WNK4: variants seen among roughly 807,000 people sequenced by gnomAD.
WNK4 encodes the protein WNK lysine deficient protein kinase 4, also known as serine/threonine-protein kinase WNK4.
Under a neutral mutation model 116.2 loss-of-function variants are expected in WNK4, and 94 were observed. The observed-to-expected ratio is 0.81, with a 90% CI of 0.68 to 0.96. WNK4 has a LOEUF of 0.96. Among genes scored for constraint, WNK4 ranks in the 40% least tolerant of loss-of-function variants. The probability of loss-of-function intolerance (pLI) is 0.00; values close to 1 mark genes in which losing one functional copy is unlikely to be tolerated. For synonymous variants in WNK4, 655 were observed against 672.7 expected (o/e 0.97, Z 0.41); for missense variants, 1,542 against 1,650.6 (o/e 0.93, Z 1.14).
At position 42,795,167 on chromosome 17, in the gene WNK4, C is replaced by T. The variant is rs550427893; in HGVS notation, c.2746C>T (p.Pro916Ser). ...FPPCPSTSSF[P>S]STTAAPLLSL... ...TCCGTGCCCCTCCACTTCTTCCTTC[C>T]CCTCCACCACAGCAGCCCCTCTCCT... is the stretch of plus-strand genomic sequence containing the variant. The change falls in exon 14 of 19, where the codon CCC becomes TCC. Residue 916 changes from proline to serine, a missense_variant. This residue lies in a region of WNK4 where 292 missense variants were observed against 290.1 expected (regional missense o/e 1.01). Transcript: ENST00000246914. 69 of 1,614,058 alleles carry T rather than the reference C, an allele frequency of 4.3e-5. 1 individual carries two copies. The South Asian group carries it at 7.0e-4, about 16-fold the overall frequency.
Position 42,795,155 on chromosome 17 carries a change from A to C in WNK4, c.2734A>C (p.Thr912Pro), listed in dbSNP as rs2054650924. ...CCCTTTCTTTCCTCCGTGCCCCTCC[A>C]CTTCTTCCTTCCCCTCCACCACAGC... Reference protein sequence around the residue: ...SSPFFPPCPSTSSFPSTTAAP... With the variant: ...SSPFFPPCPSPSSFPSTTAAP... Residue 912 changes from threonine to proline, a missense_variant, in exon 14 of 19, where the codon ACT (threonine) becomes CCT (proline). Thr to Pro is a conservative substitution (Grantham distance 38). Coordinates refer to ENST00000246914, the MANE Select transcript of WNK4 (RefSeq NM_032387.5). The C allele has an allele frequency of 6.2e-7, 1 of 1,611,464 alleles. No individual in the cohort carries two copies. Among genetic ancestry groups the C allele is most frequent in the Non-Finnish European group, 8.5e-7 (1 of 1,179,330 alleles).
Position 42,795,692 on chromosome 17 carries a change from C to T in WNK4, c.3090C>T (p.Pro1030=). Residue 1030 remains proline, a synonymous_variant, in exon 16 of 19, where the codon CCC becomes CCT. Coordinates refer to ENST00000246914, the MANE Select transcript of WNK4 (RefSeq NM_032387.5). ...TSSKEPAEPL[P]LQPTSPTLSG... ...CCAAGGAACCGGCTGAGCCTCTTCC[C>T]TTGCAGCCAACATCCCCCACTCTCT... is the stretch of plus-strand genomic sequence containing the variant. The T allele has an allele frequency of 6.2e-7, 1 of 1,613,302 alleles. No homozygotes were observed. The highest frequency in any genetic ancestry group is 8.5e-7 in the Non-Finnish European group (1 of 1,180,034).
chr17:42,788,787 C>A lies in WNK4; in HGVS notation c.2147C>A (p.Ala716Glu), dbSNP rs1218336737. The A allele has an allele frequency of 1.9e-6, 3 of 1,613,658 alleles. No homozygotes were observed. Among genetic ancestry groups the A allele is most frequent in the South Asian group, 1.1e-5 (1 of 91,076 alleles). Residue 716 changes from alanine (A) to glutamate (E), a missense_variant, in exon 11 of 19, where the codon GCA becomes GAA. Ala to Glu is a moderately radical substitution (Grantham distance 107). Transcript: ENST00000246914. ...GATGGGGACAGCCCGGAAGAGATTG[C>A]AGCTGCCATGGTGAGGGGGAGAGAG... ...DLDGDSPEEI[A>E]AAMVYNEFIL... is the part of the protein sequence containing the mutation.
chr17:42,789,392 C>T (rs2054585579), intron 11 of WNK4, among the ~76,000 whole-genome samples: 1 of 152,230 alleles, frequency 6.6e-6, no homozygotes, highest in East Asian at 1.9e-4. Flanking sequence ...CGTGGTGGCT[C>T]ACACCTGTAA....
In WNK4 at chr17:42,784,720, T is replaced by C. The variant is rs1568027663; in HGVS notation, c.1170+141T>C. 3 of 1,061,392 alleles carry C rather than the reference T, an allele frequency of 2.8e-6. No individual in the cohort carries two copies. The highest frequency in any genetic ancestry group is 3.1e-5 in the African/African-American group (2 of 63,620). 65.7% of individuals were successfully genotyped at this position (1,061,392 alleles called of 1,614,324 possible). ...TCGCCTTGGTGAACACAGAAGGATA[T>C]TGAGTGCACACGCGCCCCCACCAGT... On this transcript the variant is annotated intron_variant, in intron 4 of 18. Transcript: ENST00000246914. This position sits in a 1 kb window ranked among gnomAD's most constrained non-coding sequence, Gnocchi z 4.4.
intron 12 of WNK4, 127 bp downstream of exon 12, chr17:42,793,856 CTTTTT>C: frequency 1.1e-6 from 1 of 945,926 alleles, no homozygotes; most frequent in South Asian, 1.5e-5. Context: ...AACAGTGGCG[CTTTTT>C]TTTTTTTTTG....
At chr17:42,790,940 C>T (rs902437084) in intron 11 of WNK4, among the ~76,000 whole-genome samples, 1 of 152,206 alleles carries the variant, frequency 6.6e-6, no homozygotes. Context: ...ACACAAGGCT[C>T]ATCACCTTCC....
At chr17:42,794,222 T>C (rs2054637239) in intron 12 of WNK4, 1 of 320,562 alleles carries the variant, frequency 3.1e-6, no homozygotes. Flanking sequence ...AGAAAACTTG[T>C]TCAATACATA....
At chr17:42,790,993 C>T (rs1482793811) in intron 11 of WNK4, among the ~76,000 whole-genome samples, 1 of 152,182 alleles carries the variant, frequency 6.6e-6, no homozygotes, top group Non-Finnish European at 1.5e-5. Context: ...TCCAGCCACA[C>T]TGGTTTCAAA....
In WNK4 at chr17:42,782,870, T is replaced by A; in HGVS notation, c.731T>A (p.Leu244Gln). 1 of 1,614,218 alleles carries A rather than the reference T, an allele frequency of 6.2e-7. No individual in the cohort carries two copies. Among genetic ancestry groups the A allele is most frequent in the Non-Finnish European group, 8.5e-7 (1 of 1,180,036 alleles). Residue 244 changes from leucine (L) to glutamine (Q), a missense_variant, in exon 2 of 19, where the codon CTG becomes CAG. By Grantham distance (113) the Leu-to-Gln change is moderately radical. Transcript: ENST00000246914. This position sits in a 1 kb window ranked among gnomAD's most constrained non-coding sequence, Gnocchi z 4.2. ...VRFYDSWKSV[L>Q]RGQVCIVLVT... ...TTCTATGATTCGTGGAAGTCGGTGCTGAGGGGCCAGGTTTGCATCGTGCTG... is the reference window on the plus strand; with the variant it reads ...TTCTATGATTCGTGGAAGTCGGTGCAGAGGGGCCAGGTTTGCATCGTGCTG...
rs1285161577 is a variant in WNK4, at chr17:42,795,207, C to G, written c.2786C>G (p.Ala929Gly). 1.2e-6 allele frequency: 2 copies of G among 1,613,926 alleles called. No homozygotes were observed. Among genetic ancestry groups the G allele is most frequent in the African/African-American group, 1.3e-5 (1 of 74,874 alleles). ...TAAPLLSLASAFSLAVMTVAQ... is the reference protein window; with the variant it reads ...TAAPLLSLASGFSLAVMTVAQ... ...GCCCCTCTCCTTTCTCTGGCTAGTG[C>G]CTTCTCACTGGCTGTGATGACTGTG... Residue 929 changes from alanine (A) to glycine (G), a missense_variant, in exon 14 of 19, where the codon GCC becomes GGC. Coordinates refer to ENST00000246914, the MANE Select transcript of WNK4 (RefSeq NM_032387.5).
chr17:42,785,985 C>T (rs1399643832), intron 6 of WNK4, among the ~76,000 whole-genome samples: 1 of 152,208 alleles, frequency 6.6e-6, no homozygotes, highest in East Asian at 1.9e-4. Context: ...AGGGCAGAGA[C>T]TGTGTTTTAT....
At position 42,784,281 on chromosome 17, in the gene WNK4, G is replaced by A; in HGVS notation, c.1012+124G>A. The A allele has an allele frequency of 6.5e-7, 1 of 1,543,666 alleles. No individual in the cohort carries two copies. Among genetic ancestry groups the A allele is most frequent in the African/African-American group, 1.4e-5 (1 of 73,298 alleles). The stretch of plus-strand genomic sequence containing the variant: ...AAAACTACCAGACGACAGGGAAGCT[G>A]AGGAGACCTATGGCACCCACCTCAA... On this transcript the variant is annotated intron_variant, in intron 3 of 18. Transcript: ENST00000246914. The surrounding 1 kb of genome is among the most constrained non-coding windows in gnomAD (Gnocchi z 4.4).
intron 13 of WNK4, 40 bp from the exon 14 acceptor site, chr17:42,794,732 G>T: frequency 6.2e-7 from 1 of 1,613,850 alleles, no homozygotes; most frequent in Non-Finnish European, 8.5e-7. Flanking sequence ...AAGGGCATAG[G>T]GCATGTGGGA....
At position 42,781,232 on chromosome 17, in the gene WNK4, C is replaced by T; in HGVS notation, c.534C>T (p.Ile178=). The T allele has an allele frequency of 6.2e-7, 1 of 1,614,188 alleles. No individual in the cohort carries two copies. Among genetic ancestry groups the T allele is most frequent in the Non-Finnish European group, 8.5e-7 (1 of 1,180,034 alleles). ...ATGGCCGATACCTCAAGTTTGACAT[C>T]GAGATTGGACGTGGCTCCTTCAAGA... is the stretch of plus-strand genomic sequence containing the variant. ...SPDGRYLKFD[I]EIGRGSFKTV... is the part of the protein sequence containing the mutation. The change falls in exon 1 of 19, where the codon ATC becomes ATT. Residue 178 remains isoleucine, a synonymous_variant. Coordinates refer to ENST00000246914, the MANE Select transcript of WNK4 (RefSeq NM_032387.5).
rs1424567014 is a variant in WNK4 at position 42,791,581 on chromosome 17, G to A, written c.2158-2011G>A. Among the ~76,000 whole-genome samples the A allele has an allele frequency of 2.6e-5, 4 of 151,948 alleles. No homozygotes were observed. In the East Asian group the frequency reaches 7.8e-4, roughly 29 times the overall value. On this transcript the variant is annotated intron_variant, in intron 11 of 18. Transcript: ENST00000246914. ...TTGAACCCAGGAGGTGGAGGTTGCG[G>A]TGAGCCACGGTCATACCATTGCACT...
chr17:42,787,212 G>A (rs2054558340), intron 6 of WNK4, 66 bp from the exon 7 acceptor site: 1 of 1,604,452 alleles, frequency 6.2e-7, no homozygotes, highest in Non-Finnish European at 8.5e-7. Context: ...TTCCCAAGAA[G>A]GCGTCCTGAT....
chr17:42,787,834 C>CCTG lies in WNK4; in HGVS notation c.1800_1802dup (p.Ala601dup). 6.2e-7 allele frequency: 1 copy of CCTG among 1,612,582 alleles called. No homozygotes were observed. Among genetic ancestry groups the CCTG allele is most frequent in the Non-Finnish European group, 8.5e-7 (1 of 1,180,012 alleles). On this transcript the variant is annotated inframe_insertion, in exon 8 of 19. Coordinates refer to ENST00000246914, the MANE Select transcript of WNK4 (RefSeq NM_032387.5). ...CTCCGGCTTCCTGGATGCCTCAGACCCTGCCCTTCAGCCCCCTGGGGGGGT... is the reference window on the plus strand; with the variant it reads ...CTCCGGCTTCCTGGATGCCTCAGACCCTGCTGCCCTTCAGCCCCCTGGGGGGGT...
rs951793928 is a variant in WNK4 at position 42,784,161 on chromosome 17, C to T, written c.1012+4C>T. 1.9e-6 allele frequency: 3 copies of T among 1,604,538 alleles called. No homozygotes were observed. The highest frequency in any genetic ancestry group is 2.7e-5 in the African/African-American group (2 of 74,920). On this transcript the variant is annotated splice_donor_region_variant and intron_variant, in intron 3 of 18. Transcript: ENST00000246914. This position sits in a 1 kb window ranked among gnomAD's most constrained non-coding sequence, Gnocchi z 4.4. Reference sequence around the variant, plus strand: ...TCCTTTGCCAAGAGTGTCATCGGTGCGTCTCTCCAGGAGGGTCCATGCCAT... The same window carrying T: ...TCCTTTGCCAAGAGTGTCATCGGTGTGTCTCTCCAGGAGGGTCCATGCCAT...
Sources: allele counts gnomAD v4.1 joint callset (sites outside exome capture counted in the v4.1 genomes callset), GRCh38; gene constraint gnomAD v4.1.1; regional missense constraint gnomAD v4.1.1; non-coding constraint Gnocchi (gnomAD v3.1); transcripts MANE v1.5; gene names NCBI Gene and HGNC (gene_info 2026-07-23, HGNC 2026-07-21).